Variants in PLEKHA7 observed in about 807,000 individuals in gnomAD.
PLEKHA7 encodes pleckstrin homology domain containing A7.
In PLEKHA7, 104 loss-of-function variants were observed where a neutral mutation model predicts 170.0. The ratio of observed to expected loss-of-function variants is 0.61; its 90% CI spans 0.52 to 0.72. The LOEUF (loss-of-function observed/expected upper bound fraction) is 0.72. Ranked by LOEUF, PLEKHA7 falls within the 30% of genes least tolerant of loss-of-function variation. The probability of loss-of-function intolerance (pLI) is 0.00; values close to 1 mark genes in which losing one functional copy is unlikely to be tolerated. For synonymous variants in PLEKHA7, 648 were observed against 660.8 expected (o/e 0.98, Z 0.30); for missense variants, 1,615 against 1,671.7 (o/e 0.97, Z 0.59).
intron 3 of PLEKHA7, among the ~76,000 whole-genome samples, chr11:16,929,643 G>T (rs1458167914): frequency 6.6e-6 from 1 of 152,230 alleles, no homozygotes; most frequent in Non-Finnish European, 1.5e-5. Context: ...CTTTTAGGGG[G>T]TGGATGTAAA....
chr11:16,889,700 G>A (rs1473864905), intron 3 of PLEKHA7, among the ~76,000 whole-genome samples: 1 of 152,084 alleles, frequency 6.6e-6, no homozygotes, highest in Non-Finnish European at 1.5e-5. Flanking sequence ...GATTCAGAGA[G>A]AGAAGAAGAA....
chr11:16,996,719 G>C (rs897886281), intron 3 of PLEKHA7, among the ~76,000 whole-genome samples: 3 of 152,058 alleles, frequency 2.0e-5, no homozygotes, highest in Non-Finnish European at 2.9e-5. Context: ...GGCGGATCAC[G>C]AGGTCACGAG....
chr11:16,798,495 C>T (rs1005275891), intron 17 of PLEKHA7, among the ~76,000 whole-genome samples: 13 of 152,084 alleles, frequency 8.5e-5, no homozygotes, highest in Admixed American at 5.2e-4. Context: ...TCTAGGCCTG[C>T]TATATGTTAA....
chr11:16,889,920 T>A lies in PLEKHA7; in HGVS notation c.222-18738A>T, dbSNP rs551267087. ...TTCAAGAGAGAAGTGTCTAATCCCC[T>A]ATGAAGGAAATCCCATCAGACTAAA... On this transcript the variant is annotated intron_variant, in intron 3 of 26. Coordinates refer to ENST00000531066, the MANE Select transcript of PLEKHA7 (RefSeq NM_001329630.2). Among the ~76,000 whole-genome samples the A allele has an allele frequency of 1.1e-4, 17 of 152,284 alleles. No individual in the cohort carries two copies. The South Asian group carries it at 3.5e-3, about 32-fold the overall frequency.
At chr11:16,830,403 G>A (rs1040713188) in intron 9 of PLEKHA7, among the ~76,000 whole-genome samples, 1 of 152,196 alleles carries the variant, frequency 6.6e-6, no homozygotes, top group Non-Finnish European at 1.5e-5. Context: ...AGTCGCTGAA[G>A]ATTTAGAATC....
At chr11:16,783,004 G>T in intron 25 of PLEKHA7, 108 bp from the exon 26 acceptor site, 1 of 1,192,826 alleles carries the variant, frequency 8.4e-7, no homozygotes, top group Non-Finnish European at 1.2e-6. Flanking sequence ...AGGGGGATCA[G>T]ACAAAAACTG....
At chr11:16,837,991 G>A (rs1851651492) in intron 9 of PLEKHA7, among the ~76,000 whole-genome samples, 1 of 152,128 alleles carries the variant, frequency 6.6e-6, no homozygotes, top group African/African-American at 2.4e-5. Flanking sequence ...AGGGAAGGGG[G>A]AAAAGACCAG....
chr11:16,861,942 A>C (rs1397172523), intron 4 of PLEKHA7, among the ~76,000 whole-genome samples: 2 of 152,136 alleles, frequency 1.3e-5, no homozygotes, highest in Non-Finnish European at 2.9e-5. Flanking sequence ...GCAATGCACA[A>C]TGAAAACTAG....
At chr11:16,842,942 C>A (rs764730166) in intron 8 of PLEKHA7, among the ~76,000 whole-genome samples, 12 of 152,178 alleles carry the variant, frequency 7.9e-5, no homozygotes, top group Admixed American at 1.3e-4. Context: ...GATTTCCACA[C>A]CTGGTAACAG....
intron 4 of PLEKHA7, among the ~76,000 whole-genome samples, chr11:16,867,844 T>C (rs940433375): frequency 7.2e-5 from 11 of 152,200 alleles, no homozygotes; most frequent in Non-Finnish European, 1.5e-4. Context: ...TACACACTTA[T>C]CTTCCCTTAT....
chr11:16,849,773 A>G (rs1397888539), intron 8 of PLEKHA7, among the ~76,000 whole-genome samples: 4 of 152,146 alleles, frequency 2.6e-5, no homozygotes, highest in Non-Finnish European at 5.9e-5. Context: ...AGTACTTCCC[A>G]TGTCATGTTT....
At chr11:16,998,244 C>T (rs958346000) in intron 3 of PLEKHA7, among the ~76,000 whole-genome samples, 1 of 152,114 alleles carries the variant, frequency 6.6e-6, no homozygotes, top group African/African-American at 2.4e-5. Flanking sequence ...CTCACAGCCC[C>T]ACCCCTCAGC....
At chr11:16,902,751 T>C (rs958893097) in intron 3 of PLEKHA7, among the ~76,000 whole-genome samples, 3 of 152,242 alleles carry the variant, frequency 2.0e-5, no homozygotes, top group African/African-American at 7.2e-5. Context: ...TTAACTTTTA[T>C]TAGCTTCAGG....
At chr11:16,902,944 A>C (rs2136061014) in intron 3 of PLEKHA7, among the ~76,000 whole-genome samples, 1 of 152,330 alleles carries the variant, frequency 6.6e-6, no homozygotes, top group African/African-American at 2.4e-5. Context: ...AGCTCTTCCC[A>C]TAAGGAGAGA....
chr11:16,957,745 C>T (rs1437029127), intron 3 of PLEKHA7, among the ~76,000 whole-genome samples: 1 of 142,526 alleles, frequency 7.0e-6, no homozygotes, highest in African/African-American at 2.7e-5. Flanking sequence ...GCCCTGTTGC[C>T]CAGGCTGGAG....
rs573989749 is a variant in PLEKHA7, at chr11:16,789,658, G to A, written c.3156+117C>T. ...TGACAGGGAGCTCAGGAGGGGCTGAGGCCACCCCAGAGGCCATCCCCAGGG... is the reference window on the plus strand; with the variant it reads ...TGACAGGGAGCTCAGGAGGGGCTGAAGCCACCCCAGAGGCCATCCCCAGGG... On this transcript the variant is annotated intron_variant, in intron 22 of 26. Coordinates refer to ENST00000531066, the MANE Select transcript of PLEKHA7 (RefSeq NM_001329630.2). This position sits in a 1 kb window ranked among gnomAD's most constrained non-coding sequence, Gnocchi z 4.6. 13 of 877,826 alleles carry A rather than the reference G, an allele frequency of 1.5e-5. No individual in the cohort carries two copies. Among genetic ancestry groups the A allele is most frequent in the Non-Finnish European group, 2.3e-5 (13 of 572,660 alleles). The allele number at this position is 877,826 out of a possible 1,614,324, so 54.4% of individuals were successfully genotyped here.
Position 16,826,454 on chromosome 11 carries a change from T to C in PLEKHA7, c.1009A>G (p.Arg337Gly). The C allele has an allele frequency of 6.2e-7, 1 of 1,614,228 alleles. No individual in the cohort carries two copies. Reference sequence around the variant, plus strand: ...TACTGCTCTCCCTCCTGCTCCTGCCTCTCGAAGTTGACAATGTCATCATGG... The same window carrying C: ...TACTGCTCTCCCTCCTGCTCCTGCCCCTCGAAGTTGACAATGTCATCATGG... ...RGHDDIVNFE[R>G]QEQEGEQYRS... Residue 337 changes from arginine (R) to glycine (G), a missense_variant, in exon 10 of 27, where the codon AGG becomes GGG. Coordinates refer to ENST00000531066, the MANE Select transcript of PLEKHA7 (RefSeq NM_001329630.2).
chr11:16,867,028 T>C (rs899053158), intron 4 of PLEKHA7, among the ~76,000 whole-genome samples: 1 of 151,938 alleles, frequency 6.6e-6, no homozygotes, highest in Admixed American at 6.6e-5. Flanking sequence ...CTCAAGATTA[T>C]GTGACTAAAA....
chr11:16,956,285 C>G (rs574498150), intron 3 of PLEKHA7, among the ~76,000 whole-genome samples: 2 of 152,306 alleles, frequency 1.3e-5, no homozygotes, highest in Admixed American at 6.5e-5. Context: ...TCTGGATTAG[C>G]TGAGACTCTA....
Sources: gnomAD v4.1 joint callset for allele counts (sites outside exome capture counted in the v4.1 genomes callset) on GRCh38, gnomAD v4.1.1 for gene constraint, Gnocchi (gnomAD v3.1) non-coding constraint, MANE v1.5 for transcripts, NCBI Gene and HGNC (gene_info 2026-07-23, HGNC 2026-07-21) for gene names.